Variants in RNF111 observed in about 807,000 individuals in gnomAD.
RNF111 encodes E3 ubiquitin-protein ligase Arkadia.
In RNF111, 17 loss-of-function variants were observed where a neutral mutation model predicts 95.1. The observed-to-expected ratio is 0.18, with a 90% confidence interval of 0.12 to 0.27. RNF111 has a LOEUF of 0.27. Ranked by LOEUF, RNF111 falls within the 10% of genes least tolerant of loss-of-function variation. RNF111 has a pLI of 1.00. For synonymous variants in RNF111, 440 were observed against 414.8 expected (o/e 1.06, Z -0.74); for missense variants, 1,189 against 1,210.4 (o/e 0.98, Z 0.26).
chr15:59,092,502 C>G (rs758400688), intron 12 of RNF111, 35 bp from the exon 13 acceptor site: 11 of 1,593,736 alleles, frequency 6.9e-6, no homozygotes, highest in Non-Finnish European at 8.5e-6. Flanking sequence ...AATGTCATCT[C>G]TACTAATAAG....
At chr15:59,023,728 C>CT (rs1323440447) in intron 1 of RNF111, among the ~76,000 whole-genome samples, 3 of 152,086 alleles carry the variant, frequency 2.0e-5, no homozygotes, top group Admixed American at 1.3e-4. Context: ...CAGTGAATTC[C>CT]TTTTTTTCTT....
At chr15:58,998,523 G>T (rs539957585) in intron 1 of RNF111, among the ~76,000 whole-genome samples, 23 of 152,212 alleles carry the variant, frequency 1.5e-4, no homozygotes, top group South Asian at 4.1e-4. Context: ...TTTGAGAAAA[G>T]AACTTGTTTG....
chr15:59,007,271 T>C (rs1270307794), intron 1 of RNF111, among the ~76,000 whole-genome samples: 4 of 152,020 alleles, frequency 2.6e-5, no homozygotes, highest in Non-Finnish European at 5.9e-5. Context: ...TGTTCAATTT[T>C]TTTTTTTTTT....
intron 2 of RNF111, among the ~76,000 whole-genome samples, chr15:59,038,867 T>C (rs11071405): frequency 0.35 from 52,749 of 152,030 alleles, 9,217 homozygotes; most frequent in Admixed American, 0.42. Flanking sequence ...GTTGTCATTC[T>C]GATCCTTCCA....
At chr15:59,060,648 T>C (rs1055212731) in intron 5 of RNF111, among the ~76,000 whole-genome samples, 1 of 152,028 alleles carries the variant, frequency 6.6e-6, no homozygotes, top group African/African-American at 2.4e-5. Context: ...AAATAAATTA[T>C]TGATGTTGGC....
intron 6 of RNF111, among the ~76,000 whole-genome samples, chr15:59,071,114 G>A (rs1304052214): frequency 2.0e-5 from 3 of 151,608 alleles, no homozygotes; most frequent in African/African-American, 7.3e-5. Flanking sequence ...TGGCTAACAT[G>A]GTGAAACCCT....
Position 59,031,400 on chromosome 15 carries a change from C to G in RNF111, c.578C>G (p.Ser193Trp). The G allele has an allele frequency of 1.9e-6, 3 of 1,614,112 alleles. No individual in the cohort carries two copies. The highest frequency in any genetic ancestry group is 2.5e-6 in the Non-Finnish European group (3 of 1,180,020). ...KWPRTETESV[S>W]GLLMKRPCLH... ...CCTCGGACTGAGACAGAATCTGTAT[C>G]GGGATTGTTAATGAAAAGACCCTGT... Residue 193 changes from serine (S) to tryptophan (W), a missense_variant, in exon 2 of 14, where the codon TCG becomes TGG. Around this residue, in one of 2 missense-constraint regions of RNF111, gnomAD observed 1,024 missense variants for 925.9 expected, o/e 1.11. Coordinates refer to ENST00000348370, the MANE Select transcript of RNF111 (RefSeq NM_017610.8).
At chr15:59,012,564 T>C (rs1401328048) in intron 1 of RNF111, among the ~76,000 whole-genome samples, 1 of 152,136 alleles carries the variant, frequency 6.6e-6, no homozygotes, top group Non-Finnish European at 1.5e-5. Flanking sequence ...ATTTGGAAAA[T>C]TACCAGTGGT....
At chr15:58,991,759 A>G (rs1292681573) in intron 1 of RNF111, among the ~76,000 whole-genome samples, 2 of 152,230 alleles carry the variant, frequency 1.3e-5, no homozygotes, top group Non-Finnish European at 2.9e-5. Context: ...TAAGCTTTTC[A>G]TATTTGCTGT....
rs767836408 is a variant in RNF111, at chr15:59,091,045, T to G, written c.2644-14T>G. 5.2e-6 allele frequency: 8 copies of G among 1,529,024 alleles called. No individual in the cohort carries two copies. Among genetic ancestry groups the G allele is most frequent in the Non-Finnish European group, 7.2e-6 (8 of 1,105,254 alleles). The allele number at this position is 1,529,024 out of a possible 1,614,324, so 94.7% of individuals were successfully genotyped here. On this transcript the variant is annotated splice_polypyrimidine_tract_variant and intron_variant, in intron 11 of 13. Transcript: ENST00000348370. ...ATCTTGGCTTTTACCAGTCATTATA[T>G]TCTTCACTTTCAGGAACTGATTCAT...
intron 13 of RNF111, 41 bp downstream of exon 13, chr15:59,092,681 G>A: frequency 6.5e-7 from 1 of 1,542,048 alleles, no homozygotes. Flanking sequence ...TGTCAAAACT[G>A]TACATGGGAT....
At position 59,096,278 on chromosome 15, in the gene RNF111, GC is replaced by G. The variant is rs2079175479; in HGVS notation, c.*1382del. ...TTATTTGTTTAAATATGCTTAATATGCCCCAGATTGCAAATGCATCCAGTCA... is the reference window on the plus strand; with the variant it reads ...TTATTTGTTTAAATATGCTTAATATGCCCAGATTGCAAATGCATCCAGTCA... On this transcript the variant is annotated 3_prime_UTR_variant, in exon 14 of 14. Coordinates refer to ENST00000348370, the MANE Select transcript of RNF111 (RefSeq NM_017610.8). 2.6e-6 allele frequency: 1 copy of G among 383,912 alleles called. No homozygotes were observed. The highest frequency in any genetic ancestry group is 4.5e-5 in the Admixed American group (1 of 22,336). The allele number at this position is 383,912 out of a possible 1,614,324, so 23.8% of individuals were successfully genotyped here.
At chr15:59,076,346 TTTTTCCCATG>T in intron 7 of RNF111, 131 bp downstream of exon 7, 1 of 1,047,528 alleles carries the variant, frequency 9.5e-7, no homozygotes, top group South Asian at 1.6e-5. Flanking sequence ...TAGGGTATAT[TTTTTCCCATG>T]TTAGTATTAT....
At chr15:59,052,136 A>G (rs1242887629) in intron 2 of RNF111, among the ~76,000 whole-genome samples, 169 bp from the exon 3 acceptor site, 1 of 152,190 alleles carries the variant, frequency 6.6e-6, no homozygotes, top group Non-Finnish European at 1.5e-5. Context: ...TACCATTTTT[A>G]CTGTGTGTGT....
intron 5 of RNF111, among the ~76,000 whole-genome samples, chr15:59,061,654 C>G (rs1715313802): frequency 6.6e-6 from 1 of 152,220 alleles, no homozygotes; most frequent in Non-Finnish European, 1.5e-5. Flanking sequence ...CTTCCTTTCC[C>G]TTCCAGTTCC....
At chr15:59,055,618 G>A in intron 3 of RNF111, 64 bp from the exon 4 acceptor site, 1 of 1,236,842 alleles carries the variant, frequency 8.1e-7, no homozygotes, top group Non-Finnish European at 1.1e-6. Flanking sequence ...AAGGCTTATG[G>A]GTTTTTGTGG....
At position 59,051,953 on chromosome 15, in the gene RNF111, TTATATAG is replaced by T. The variant is rs2042006394; in HGVS notation, c.881-349_881-343del. Among the ~76,000 whole-genome samples, 4 of 152,070 alleles carry T rather than the reference TTATATAG, an allele frequency of 2.6e-5. No homozygotes were observed. In the South Asian group the frequency reaches 8.3e-4, roughly 32 times the overall value. ...TTTGAGCTATTAAAGGGTTAATATC[TTATATAG>T]TAGAATATCTTATACAAGATCTATA... is the stretch of plus-strand genomic sequence containing the variant. On this transcript the variant is annotated intron_variant, in intron 2 of 13. Transcript: ENST00000348370.
Position 59,036,650 on chromosome 15 carries a change from T to G in RNF111, c.880+4948T>G, listed in dbSNP as rs543883820. Among the ~76,000 whole-genome samples, 5 of 152,282 alleles carry G rather than the reference T, an allele frequency of 3.3e-5. No individual in the cohort carries two copies. The East Asian group carries it at 9.6e-4, about 29-fold the overall frequency. On this transcript the variant is annotated intron_variant, in intron 2 of 13. Transcript: ENST00000348370. ...CATTATTACAATTCAAGGTGAGATTTGGGTGGGGACAAAGCCAAACCATAT... is the reference window on the plus strand; with the variant it reads ...CATTATTACAATTCAAGGTGAGATTGGGGTGGGGACAAAGCCAAACCATAT...
intron 5 of RNF111, among the ~76,000 whole-genome samples, chr15:59,063,266 C>T (rs1206161187): frequency 4.6e-5 from 7 of 152,110 alleles, no homozygotes; most frequent in African/African-American, 1.2e-4. Context: ...CAGACCATAC[C>T]GTAAGTTATG....
Sources: gnomAD v4.1 joint callset for allele counts (sites outside exome capture counted in the v4.1 genomes callset) on GRCh38, gnomAD v4.1.1 for gene constraint, gnomAD v4.1.1 regional missense constraint, MANE v1.5 for transcripts, NCBI Gene and HGNC (gene_info 2026-07-23, HGNC 2026-07-21) for gene names.